SP100: variants seen among roughly 807,000 people sequenced by gnomAD.
The protein encoded by SP100 is SP100 nuclear body protein.
In SP100, 84 loss-of-function variants were observed where a neutral mutation model predicts 130.0. The observed-to-expected ratio is 0.65, with a 90% CI of 0.54 to 0.77. The LOEUF is 0.77. Among genes scored for constraint, SP100 ranks in the 30% least tolerant of loss-of-function variants. The probability of loss-of-function intolerance (pLI) is 0.00; values close to 1 mark genes in which losing one functional copy is unlikely to be tolerated. For synonymous variants in SP100, 331 were observed against 351.7 expected, an observed-to-expected ratio of 0.94 and a Z score of 0.66; for missense variants, 978 against 1,052.2, an observed-to-expected ratio of 0.93 and a Z score of 0.97.
At chr2:230,467,602 C>G (rs1622283) in intron 13 of SP100, among the ~76,000 whole-genome samples, 111,779 of 152,048 alleles carry the variant, frequency 0.74, 41,492 homozygotes, top group South Asian at 0.84. Context: ...AAGAGAGCTT[C>G]TGCTGGGAAA....
Position 230,505,502 on chromosome 2 carries a change from C to T in SP100, c.1871-801C>T, listed in dbSNP as rs1361760355. The stretch of plus-strand genomic sequence containing the variant: ...ATCTACAGCCAGGTGCTCGGTCTCT[C>T]TAACCTTGAACTTCCTTCTCTACAA... On this transcript the variant is annotated intron_variant, in intron 21 of 28. Coordinates refer to ENST00000340126, the MANE Select transcript of SP100 (RefSeq NM_001080391.2). Among the ~76,000 whole-genome samples the T allele has an allele frequency of 1.3e-5, 2 of 152,210 alleles. 1 individual carries two copies. The highest frequency in any genetic ancestry group is 6.3e-3 in the Middle Eastern group (2 of 316).
At chr2:230,534,992 C>T (rs552251675) in intron 24 of SP100, among the ~76,000 whole-genome samples, 6 of 151,870 alleles carry the variant, frequency 4.0e-5, no homozygotes, top group Admixed American at 3.3e-4. Flanking sequence ...GTCAGGAGTT[C>T]GAGACCACCC....
intron 23 of SP100, chr2:230,509,982 G>A (rs1690453982): frequency 6.6e-6 from 1 of 152,610 alleles, no homozygotes; most frequent in Admixed American, 6.5e-5. Context: ...TAAGGATTCT[G>A]TCAACCTTAT....
chr2:230,543,275 C>T lies in SP100; in HGVS notation c.*329C>T, dbSNP rs546549206. ...ACAAGGATTCCCTCTCTCACCACTC[C>T]TATTCAACAAAGTATTGGAAGTCCT... On this transcript the variant is annotated 3_prime_UTR_variant, in exon 29 of 29. Coordinates refer to ENST00000340126, the MANE Select transcript of SP100 (RefSeq NM_001080391.2). The T allele has an allele frequency of 2.2e-5, 4 of 177,950 alleles. No individual in the cohort carries two copies. Among genetic ancestry groups the T allele is most frequent in the Non-Finnish European group, 4.7e-5 (4 of 84,502 alleles). 11.0% of individuals were successfully genotyped at this position (177,950 alleles called of 1,614,324 possible).
chr2:230,539,419 T>C (rs750447428), intron 25 of SP100, 37 bp downstream of exon 25: 3 of 1,452,710 alleles, frequency 2.1e-6, no homozygotes, highest in African/African-American at 2.8e-5. Context: ...AGCCCTTCCT[T>C]CTTGTGGTAC....
intron 24 of SP100, among the ~76,000 whole-genome samples, chr2:230,533,004 C>A (rs948771589): frequency 6.6e-6 from 1 of 152,154 alleles, no homozygotes; most frequent in African/African-American, 2.4e-5. Flanking sequence ...TGGTGTCGAA[C>A]GCCTAACCTT....
intron 17 of SP100, among the ~76,000 whole-genome samples, chr2:230,484,490 T>C (rs1259023086): frequency 2.0e-5 from 3 of 152,250 alleles, no homozygotes; most frequent in Admixed American, 6.5e-5. Context: ...CTCCCATCTT[T>C]ATGATGCTAG....
chr2:230,418,347 C>T (rs1007884994), intron 2 of SP100, among the ~76,000 whole-genome samples: 7 of 152,096 alleles, frequency 4.6e-5, no homozygotes, highest in Non-Finnish European at 7.4e-5. Context: ...GGTTTCTGTA[C>T]GCCTGCAAGC....
At chr2:230,494,941 G>A (rs1224766070) in intron 18 of SP100, among the ~76,000 whole-genome samples, 1 of 152,202 alleles carries the variant, frequency 6.6e-6, no homozygotes, top group Non-Finnish European at 1.5e-5. Context: ...TATTCTTATG[G>A]AAGAAGGAAT....
intron 17 of SP100, among the ~76,000 whole-genome samples, chr2:230,477,566 G>A (rs2065617336): frequency 6.6e-6 from 1 of 152,162 alleles, no homozygotes; most frequent in African/African-American, 2.4e-5. Flanking sequence ...ATGGCATGGT[G>A]ACATGGTGAT....
intron 16 of SP100, among the ~76,000 whole-genome samples, chr2:230,474,089 T>C (rs760019854): frequency 1.5e-4 from 23 of 152,224 alleles, no homozygotes; most frequent in Non-Finnish European, 2.9e-4. Context: ...CTATTAACTC[T>C]TGCAAGTAAG....
At chr2:230,496,085 T>A (rs2066652635) in intron 18 of SP100, among the ~76,000 whole-genome samples, 1 of 152,224 alleles carries the variant, frequency 6.6e-6, no homozygotes, top group Non-Finnish European at 1.5e-5. Flanking sequence ...TATTCCAGTT[T>A]GTACTTACCC....
rs116144626 is a variant in SP100 at position 230,421,229 on chromosome 2, A to G, written c.107+3564A>G. Among the ~76,000 whole-genome samples, 684 of 152,216 alleles carry G rather than the reference A, an allele frequency of 4.5e-3. 5 individuals are homozygous for G. The highest frequency in any genetic ancestry group is 0.016 in the African/African-American group (654 of 41,520). On this transcript the variant is annotated intron_variant, in intron 2 of 28. Coordinates refer to ENST00000340126, the MANE Select transcript of SP100 (RefSeq NM_001080391.2). ...TGAATTCTTCCCAAGCACTCTGCAG[A>G]ATTCTAAAATTCTTTTCAGTACAGT...
intron 2 of SP100, among the ~76,000 whole-genome samples, chr2:230,426,466 C>A (rs2062935562): frequency 6.6e-6 from 1 of 152,044 alleles, no homozygotes; most frequent in Non-Finnish European, 1.5e-5. Context: ...TTTATGTTAC[C>A]TTTTTGGCTT....
intron 7 of SP100, among the ~76,000 whole-genome samples, chr2:230,449,921 CTGAG>C (rs1171825637): frequency 6.6e-6 from 1 of 152,128 alleles, no homozygotes; most frequent in East Asian, 1.9e-4. Flanking sequence ...AAGCAAAAAA[CTGAG>C]AGAGAAAGGG....
At chr2:230,478,903 T>C (rs4972955) in intron 17 of SP100, among the ~76,000 whole-genome samples, 131,937 of 152,150 alleles carry the variant, frequency 0.87, 57,895 homozygotes, top group African/African-American at 0.95. Context: ...TCACTGCAAC[T>C]TCTGCCTCCC....
intron 11 of SP100, among the ~76,000 whole-genome samples, chr2:230,465,483 C>T (rs902948702): frequency 8.5e-5 from 13 of 152,126 alleles, no homozygotes; most frequent in Admixed American, 5.9e-4. Flanking sequence ...AGCAAAGTAA[C>T]GCAGAAACAG....
rs2063050949 is a variant in SP100 at position 230,430,046 on chromosome 2, A to G, written c.107+12381A>G. ...TGATTCTTTATGATCCATGCATCCT[A>G]TCATTGGTGTCTGCACATTTGAGGA... is the stretch of plus-strand genomic sequence containing the variant. On this transcript the variant is annotated intron_variant, in intron 2 of 28. Transcript: ENST00000340126. 2.0e-5 allele frequency among the ~76,000 whole-genome samples: 3 copies of G among 152,184 alleles called. 1 individual carries two copies. The highest frequency in any genetic ancestry group is 4.1e-4 in the South Asian group (2 of 4,832).
At chr2:230,448,337 T>C (rs763002663) in intron 5 of SP100, among the ~76,000 whole-genome samples, 3 of 152,218 alleles carry the variant, frequency 2.0e-5, no homozygotes, top group Non-Finnish European at 4.4e-5. Flanking sequence ...TCACTTTGAT[T>C]GAACATCTAC....
Sources: gnomAD v4.1 joint callset for allele counts (sites outside exome capture counted in the v4.1 genomes callset) on GRCh38, gnomAD v4.1.1 for gene constraint, MANE v1.5 for transcripts, NCBI Gene and HGNC (gene_info 2026-07-23, HGNC 2026-07-21) for gene names.